The following SYCP2L variants were observed in gnomAD, a reference collection of about 807,000 sequenced individuals.
The protein encoded by SYCP2L is synaptonemal complex protein 2-like.
A neutral mutation model predicts 125.8 loss-of-function variants in SYCP2L; 98 were observed. The ratio of observed to expected loss-of-function variants is 0.78; its 90% confidence interval spans 0.66 to 0.92. SYCP2L has a LOEUF of 0.92. Among genes scored for constraint, SYCP2L ranks in the 40% least tolerant of loss-of-function variants. The pLI is 0.00. For missense variants in SYCP2L, 842 were observed against 936.4 expected (o/e 0.90, Z 1.32); for synonymous variants, 317 against 325.4 (o/e 0.97, Z 0.28).
At chr6:10,920,023 A>C (rs1780765580) in intron 14 of SYCP2L, among the ~76,000 whole-genome samples, 1 of 152,100 alleles carries the variant, frequency 6.6e-6, no homozygotes, top group South Asian at 2.1e-4. Flanking sequence ...CATGTAAGGG[A>C]GAGAGTGAGG....
rs777911100 is a variant in SYCP2L at position 10,930,461 on chromosome 6, C to T, written c.1580C>T (p.Ser527Phe). Reference sequence around the variant, plus strand: ...TGGACCAGTAACCAGAAAAAGAAATCCCTAAAATCATATTCCAGTAGAAAG... The same window carrying T: ...TGGACCAGTAACCAGAAAAAGAAATTCCTAAAATCATATTCCAGTAGAAAG... The part of the protein sequence containing the change: ...LSWTSNQKKK[S>F]LKSYSSRKKT... Residue 527 changes from serine (S) to phenylalanine (F), a missense_variant, in exon 19 of 30, where the codon TCC becomes TTC. Coordinates refer to ENST00000283141, the MANE Select transcript of SYCP2L (RefSeq NM_001040274.3). 6.2e-7 allele frequency: 1 copy of T among 1,613,510 alleles called. No homozygotes were observed. The highest frequency in any genetic ancestry group is 1.7e-4 in the Middle Eastern group (1 of 6,054).
chr6:10,937,137 A>C (rs1581834652), intron 21 of SYCP2L, among the ~76,000 whole-genome samples: 1 of 152,198 alleles, frequency 6.6e-6, no homozygotes, highest in South Asian at 2.1e-4. Context: ...TGGAACACTT[A>C]TTCTTCTCCA....
intron 8 of SYCP2L, 106 bp from the exon 9 acceptor site, chr6:10,905,914 T>G (rs767138264): frequency 5.7e-5 from 40 of 707,934 alleles, no homozygotes; most frequent in Middle Eastern, 3.1e-4. Flanking sequence ...GAATTTGAAA[T>G]AGTTTCAGAA....
At position 10,954,986 on chromosome 6, in the gene SYCP2L, C is replaced by T. The variant is rs1189541378; in HGVS notation, c.1955-130C>T. The T allele has an allele frequency of 1.2e-5, 8 of 663,516 alleles. No homozygotes were observed. Among genetic ancestry groups the T allele is most frequent in the Non-Finnish European group, 1.9e-5 (7 of 369,380 alleles). 41.1% of individuals were successfully genotyped at this position (663,516 alleles called of 1,614,324 possible). On this transcript the variant is annotated intron_variant, in intron 23 of 29. Coordinates refer to ENST00000283141, the MANE Select transcript of SYCP2L (RefSeq NM_001040274.3). The surrounding 1 kb of genome is among the most constrained non-coding windows in gnomAD (Gnocchi z 4.8). ...CTTGGTTTGTGCCTAGTCGATGCAC[C>T]GAATGATAACTCATTAGCAACAGGC...
In SYCP2L at chr6:10,927,263, A is replaced by T. The variant is rs1256018480; in HGVS notation, c.1336A>T (p.Met446Leu). Reference protein sequence around the residue: ...ETEQAEESTNMVEFMSAEDDR... With the variant: ...ETEQAEESTNLVEFMSAEDDR... ...AGAGCAGGCAGAAGAATCCACTAAC[A>T]TGGTGGAGTTTATGAGTGCTGAAGA... Residue 446 changes from methionine to leucine, a missense_variant, in exon 17 of 30, where the codon ATG becomes TTG. Physicochemically the swap from Met to Leu is conservative, Grantham distance 15 (BLOSUM62 2). Coordinates refer to ENST00000283141, the MANE Select transcript of SYCP2L (RefSeq NM_001040274.3). 1.2e-6 allele frequency: 2 copies of T among 1,614,040 alleles called. No homozygotes were observed. Among genetic ancestry groups the T allele is most frequent in the African/African-American group, 1.3e-5 (1 of 74,920 alleles).
rs372387171 is a variant in SYCP2L, at chr6:10,906,045, A to T, written c.667A>T (p.Thr223Ser). ...GAAAGACCTTGCAAGGACACTCTTG[A>T]CTGTGGGTGGTAAGAAATTTTAGAA... The part of the protein sequence containing the change: ...LMKDLARTLL[T>S]VGDYDQQVAI... The change falls in exon 9 of 30, where the codon ACT becomes TCT. Residue 223 changes from threonine to serine, a missense_variant. By Grantham distance (58) the Thr-to-Ser change is moderately conservative. Transcript: ENST00000283141. The T allele has an allele frequency of 1.3e-6, 2 of 1,598,846 alleles. No individual in the cohort carries two copies. Among genetic ancestry groups the T allele is most frequent in the African/African-American group, 2.7e-5 (2 of 74,730 alleles).
chr6:10,929,529 AT>A (rs1581830978), intron 18 of SYCP2L, among the ~76,000 whole-genome samples: 3 of 152,278 alleles, frequency 2.0e-5, no homozygotes, highest in Admixed American at 2.0e-4. Context: ...TTTTAAAAAT[AT>A]AAATATCAAA....
At chr6:10,907,246 A>G (rs1391558627) in intron 9 of SYCP2L, among the ~76,000 whole-genome samples, 2 of 152,032 alleles carry the variant, frequency 1.3e-5, no homozygotes, top group Non-Finnish European at 2.9e-5. Context: ...TGGGAGGCTG[A>G]GGCAGGAGAA....
At chr6:10,929,102 G>T (rs965217630) in intron 18 of SYCP2L, among the ~76,000 whole-genome samples, 3 of 151,988 alleles carry the variant, frequency 2.0e-5, no homozygotes, top group African/African-American at 4.8e-5. Flanking sequence ...ATGTTGGCCA[G>T]ACTGGTCTCA....
intron 21 of SYCP2L, among the ~76,000 whole-genome samples, chr6:10,938,349 A>G (rs559744338): frequency 2.0e-5 from 3 of 152,332 alleles, no homozygotes; most frequent in Admixed American, 2.0e-4. Flanking sequence ...GCATTTGACA[A>G]AATTTAACAT....
intron 1 of SYCP2L, among the ~76,000 whole-genome samples, chr6:10,887,469 C>T (rs1301359096): frequency 6.6e-6 from 1 of 152,132 alleles, no homozygotes; most frequent in South Asian, 2.1e-4. Flanking sequence ...CACCTTGCTG[C>T]GTAGAAAGTG....
chr6:10,933,560 G>T (rs1781036569), intron 20 of SYCP2L, among the ~76,000 whole-genome samples: 1 of 152,190 alleles, frequency 6.6e-6, no homozygotes. Flanking sequence ...TCATGTGCCA[G>T]TCTAGACCAC....
At chr6:10,896,419 TTGGGAGGGTGC>T (rs747441977) in intron 4 of SYCP2L, among the ~76,000 whole-genome samples, 35 of 152,128 alleles carry the variant, frequency 2.3e-4, no homozygotes, top group South Asian at 8.3e-4. Flanking sequence ...ACCAGTATAT[TTGGGAGGGTGC>T]TGGGAGGGTG....
chr6:10,973,561 G>A (rs1320997812), intron 29 of SYCP2L, among the ~76,000 whole-genome samples: 1 of 152,112 alleles, frequency 6.6e-6, no homozygotes, highest in Non-Finnish European at 1.5e-5. Context: ...AGGTCTGATT[G>A]CCAATCTGGC....
intron 7 of SYCP2L, 44 bp from the exon 8 acceptor site, chr6:10,902,831 C>G (rs560332494): frequency 6.2e-7 from 1 of 1,611,984 alleles, no homozygotes; most frequent in Admixed American, 1.7e-5. Context: ...ACATAGGTCT[C>G]TGTTTTCTTT....
rs1231249576 is a variant in SYCP2L at position 10,931,489 on chromosome 6, A to G, written c.1683A>G (p.Gln561=). The part of the protein sequence containing the change: ...PSSGSGHEKD[Q]AKLLSPSEKE... The stretch of plus-strand genomic sequence containing the variant: ...GTGGCAGTGGCCATGAGAAAGACCA[A>G]GTAAGTACATTGTATCTGGGTTGCT... Residue 561 remains glutamine (Q), a splice_region_variant and synonymous_variant, in exon 20 of 30, where the codon CAA becomes CAG. Transcript: ENST00000283141. 6.2e-7 allele frequency: 1 copy of G among 1,614,084 alleles called. No individual in the cohort carries two copies. The highest frequency in any genetic ancestry group is 8.5e-7 in the Non-Finnish European group (1 of 1,179,922).
At chr6:10,956,388 G>A (rs1230219752) in intron 25 of SYCP2L, 146 bp downstream of exon 25, 9 of 619,828 alleles carry the variant, frequency 1.5e-5, no homozygotes, top group Non-Finnish European at 2.5e-5. Flanking sequence ...GGAGAAGGGT[G>A]GTTACCAGGG....
At chr6:10,973,364 C>T (rs918343514) in intron 29 of SYCP2L, among the ~76,000 whole-genome samples, 4 of 152,176 alleles carry the variant, frequency 2.6e-5, no homozygotes, top group African/African-American at 9.7e-5. Context: ...GAAACCCCGT[C>T]TCTACTAAAA....
Position 10,954,215 on chromosome 6 carries a change from C to T in SYCP2L, c.1955-901C>T, listed in dbSNP as rs566331582. Among the ~76,000 whole-genome samples the T allele has an allele frequency of 4.6e-5, 7 of 152,212 alleles. No individual in the cohort carries two copies. The South Asian group carries it at 1.5e-3, about 32-fold the overall frequency. ...TCAGATGATGTCACAACTAAAGGTACAGTGCGGGGGAGAGAGTGGTTTTAA... is the reference window on the plus strand; with the variant it reads ...TCAGATGATGTCACAACTAAAGGTATAGTGCGGGGGAGAGAGTGGTTTTAA... On this transcript the variant is annotated intron_variant, in intron 23 of 29. Transcript: ENST00000283141. The surrounding 1 kb of genome is among the most constrained non-coding windows in gnomAD (Gnocchi z 4.8).
Sources: gnomAD v4.1 joint callset for allele counts (sites outside exome capture counted in the v4.1 genomes callset) on GRCh38, gnomAD v4.1.1 for gene constraint, Gnocchi (gnomAD v3.1) non-coding constraint, MANE v1.5 for transcripts, NCBI Gene and HGNC (gene_info 2026-07-23, HGNC 2026-07-21) for gene names.